DSTN: variants seen among roughly 807,000 people sequenced by gnomAD.
DSTN encodes destrin.
Under a neutral mutation model 16.8 loss-of-function variants are expected in DSTN, and 10 were observed. That is an observed-to-expected ratio of 0.60 (90% CI 0.37 to 1.01). The LOEUF (loss-of-function observed/expected upper bound fraction) is 1.01, where lower values mean the gene tolerates loss of function less well. DSTN is among the 50% of genes least tolerant of loss of function. The pLI is 0.01. For missense variants in DSTN, 141 were observed against 196.7 expected, an observed-to-expected ratio of 0.72 and a Z score of 1.69; for synonymous variants, 57 against 58.9, an observed-to-expected ratio of 0.97 and a Z score of 0.14.
chr20:17,583,449 A>T (rs1384404296), intron 1 of DSTN, among the ~76,000 whole-genome samples: 1 of 152,222 alleles, frequency 6.6e-6, no homozygotes, highest in Non-Finnish European at 1.5e-5. Flanking sequence ...AGTGTTCATC[A>T]GTTGATGGAT....
At chr20:17,579,538 G>C (rs1034410270) in intron 1 of DSTN, among the ~76,000 whole-genome samples, 4 of 152,124 alleles carry the variant, frequency 2.6e-5, no homozygotes, top group African/African-American at 7.2e-5. Context: ...AACCAAGGTT[G>C]CACCACTGCA....
At chr20:17,585,771 A>G (rs778268273) in intron 1 of DSTN, among the ~76,000 whole-genome samples, 2 of 152,188 alleles carry the variant, frequency 1.3e-5, no homozygotes, top group Non-Finnish European at 2.9e-5. Flanking sequence ...CCTATCCCCA[A>G]CAACCACTGA....
In DSTN at chr20:17,607,399, G is replaced by A. The variant is rs1046343158; in HGVS notation, c.*253G>A. ...GTTGATTTATAAAGATTTTTGTTAA[G>A]CTCAGGATTTTAAATTACACAGTTC... On this transcript the variant is annotated 3_prime_UTR_variant, in exon 4 of 4. Transcript: ENST00000246069. 2 of 367,092 alleles carry A rather than the reference G, an allele frequency of 5.4e-6. No individual in the cohort carries two copies. Among genetic ancestry groups the A allele is most frequent in the Non-Finnish European group, 4.9e-6 (1 of 205,598 alleles). 22.7% of individuals were successfully genotyped at this position (367,092 alleles called of 1,614,324 possible). A position where few individuals can be genotyped will look rare whatever the true frequency, so the allele number is the denominator to read the frequency against.
intron 1 of DSTN, among the ~76,000 whole-genome samples, chr20:17,593,489 G>C (rs1055888617): frequency 6.6e-6 from 1 of 152,180 alleles, no homozygotes; most frequent in Non-Finnish European, 1.5e-5. Context: ...TTTAAAGATA[G>C]AGCATTGAAG....
At chr20:17,596,040 G>A (rs2035522992) in intron 1 of DSTN, among the ~76,000 whole-genome samples, 1 of 152,124 alleles carries the variant, frequency 6.6e-6, no homozygotes, top group Non-Finnish European at 1.5e-5. Context: ...TCTCCCATCT[G>A]TTGAAATGTT....
chr20:17,578,966 A>AG (rs61401051), intron 1 of DSTN, among the ~76,000 whole-genome samples: 60,598 of 140,412 alleles, frequency 0.43, 15,342 homozygotes, highest in Non-Finnish European at 0.59. Flanking sequence ...CATCTCAAAA[A>AG]AAAAAAAAAA....
intron 2 of DSTN, 72 bp downstream of exon 2, chr20:17,601,117 C>T: frequency 2.0e-6 from 3 of 1,473,976 alleles, no homozygotes; most frequent in Non-Finnish European, 2.7e-6. Flanking sequence ...AGTTCCAGCA[C>T]CAAAGTAATT....
chr20:17,571,529 T>C (rs960570533), intron 1 of DSTN, among the ~76,000 whole-genome samples: 1 of 152,224 alleles, frequency 6.6e-6, no homozygotes, highest in African/African-American at 2.4e-5. Flanking sequence ...GCATCTTGAG[T>C]CTTTTTAATA....
At chr20:17,575,545 C>T (rs568826857) in intron 1 of DSTN, among the ~76,000 whole-genome samples, 2 of 151,532 alleles carry the variant, frequency 1.3e-5, no homozygotes, top group African/African-American at 2.4e-5. Flanking sequence ...CTCACTGCAT[C>T]GTCCACCCTC....
chr20:17,585,815 A>G (rs1362998712), intron 1 of DSTN, among the ~76,000 whole-genome samples: 1 of 152,198 alleles, frequency 6.6e-6, no homozygotes, highest in East Asian at 1.9e-4. Context: ...TACCTTTGCC[A>G]TGTAAATGGA....
intron 3 of DSTN, 78 bp from the exon 4 acceptor site, chr20:17,606,959 T>C: frequency 6.9e-7 from 1 of 1,443,212 alleles, no homozygotes; most frequent in Non-Finnish European, 9.6e-7. Context: ...AACTGGTCTT[T>C]TAAAAGTTTG....
intron 1 of DSTN, among the ~76,000 whole-genome samples, chr20:17,592,493 T>C (rs2035480041): frequency 6.6e-6 from 1 of 152,146 alleles, no homozygotes; most frequent in Non-Finnish European, 1.5e-5. Flanking sequence ...ATCTCGGTTT[T>C]AATATTCACC....
At chr20:17,596,896 CAGAATTT>C in intron 1 of DSTN, 1 of 822,728 alleles carries the variant, frequency 1.2e-6, no homozygotes, top group Non-Finnish European at 1.5e-6. Context: ...ATTTACAAAT[CAGAATTT>C]AGAATGTTTG....
chr20:17,584,734 C>G (rs2122177869), intron 1 of DSTN, among the ~76,000 whole-genome samples: 1 of 151,798 alleles, frequency 6.6e-6, no homozygotes, highest in South Asian at 2.1e-4. Context: ...GTTATAGCCT[C>G]ACTTTTAGAG....
chr20:17,609,618 A>G lies in DSTN; in HGVS notation c.*2472A>G, dbSNP rs1261190604. The G allele has an allele frequency of 6.6e-6, 1 of 152,230 alleles. No homozygotes were observed. The highest frequency in any genetic ancestry group is 1.5e-5 in the Non-Finnish European group (1 of 68,044). The allele number at this position is 152,230 out of a possible 1,614,324, so 9.4% of individuals were successfully genotyped here. A position where few individuals can be genotyped will look rare whatever the true frequency, so the allele number is the denominator to read the frequency against. On this transcript the variant is annotated 3_prime_UTR_variant, in exon 4 of 4. Transcript: ENST00000246069. The stretch of plus-strand genomic sequence containing the variant: ...CACTCCAGAAATTGAATAAAATGCT[A>G]GTAGTTAGTCTCTAGGGGAACTTTT...
chr20:17,570,400 C>T lies in DSTN; in HGVS notation c.3+189C>T, dbSNP rs986224207. ...TCCGTCTCCCGCCGTCCTGGCTGGG[C>T]CCCCGCGCCCCGGGGTGGATCCGCG... is the stretch of plus-strand genomic sequence containing the variant. On this transcript the variant is annotated intron_variant, in intron 1 of 3. Coordinates refer to ENST00000246069, the MANE Select transcript of DSTN (RefSeq NM_006870.4). 3.3e-5 allele frequency among the ~76,000 whole-genome samples: 5 copies of T among 152,308 alleles called. No homozygotes were observed. In the East Asian group the frequency reaches 5.8e-4, roughly 18 times the overall value.
intron 2 of DSTN, among the ~76,000 whole-genome samples, chr20:17,601,314 GC>G (rs2035585003): frequency 7.4e-6 from 1 of 135,900 alleles, no homozygotes; most frequent in African/African-American, 2.8e-5. Flanking sequence ...TGAATGTACT[GC>G]TTTTATAGGC....
intron 2 of DSTN, among the ~76,000 whole-genome samples, chr20:17,604,292 T>C (rs2035617923): frequency 6.6e-6 from 1 of 152,218 alleles, no homozygotes; most frequent in Admixed American, 6.5e-5. Context: ...TGTAATCTGA[T>C]TTTTAATTGG....
chr20:17,582,077 A>ATTTT (rs35744527), intron 1 of DSTN, among the ~76,000 whole-genome samples: 2,372 of 126,656 alleles, frequency 0.019, 99 homozygotes, highest in African/African-American at 0.07. Flanking sequence ...TGAAATATAC[A>ATTTT]TTTTTTTTTT....
Sources: allele counts gnomAD v4.1 joint callset (sites outside exome capture counted in the v4.1 genomes callset), GRCh38; gene constraint gnomAD v4.1.1; transcripts MANE v1.5; gene names NCBI Gene and HGNC (gene_info 2026-07-23, HGNC 2026-07-21).